GAS2: variants seen among roughly 807,000 people sequenced by gnomAD.
GAS2 encodes growth arrest-specific protein 2.
GAS2 carries 20 observed loss-of-function variants against 37.5 expected under a neutral mutation model. The observed-to-expected ratio is 0.53, with a 90% CI of 0.37 to 0.77. GAS2 has a LOEUF of 0.77. Ranked by LOEUF, GAS2 falls within the 30% of genes least tolerant of loss-of-function variation. GAS2 has a pLI of 0.00. For missense variants in GAS2, 336 were observed against 373.4 expected, an observed-to-expected ratio of 0.90 and a Z score of 0.82; for synonymous variants, 144 against 132.2, an observed-to-expected ratio of 1.09 and a Z score of -0.61.
chr11:22,768,491 A>C (rs1226325502), intron 7 of GAS2, among the ~76,000 whole-genome samples: 4 of 151,940 alleles, frequency 2.6e-5, no homozygotes, highest in Non-Finnish European at 4.4e-5. Flanking sequence ...CCCTTCAAAC[A>C]CTCTTGCCAA....
At chr11:22,700,155 A>G (rs533444574) in intron 3 of GAS2, among the ~76,000 whole-genome samples, 1 of 152,236 alleles carries the variant, frequency 6.6e-6, no homozygotes, top group African/African-American at 2.4e-5. Flanking sequence ...AGACTCTAAG[A>G]TCCTTGAGTA....
In GAS2 at chr11:22,812,077, T is replaced by G; in HGVS notation, c.*61T>G. ...GCCTGTATCCACTTCTCCAGTATAGTCAGTTTAGTTCATATGTTCTGAAAA... is the reference window on the plus strand; with the variant it reads ...GCCTGTATCCACTTCTCCAGTATAGGCAGTTTAGTTCATATGTTCTGAAAA... On this transcript the variant is annotated 3_prime_UTR_variant, in exon 8 of 8. Transcript: ENST00000454584. The G allele has an allele frequency of 8.4e-7, 1 of 1,183,542 alleles. No individual in the cohort carries two copies. The highest frequency in any genetic ancestry group is 1.3e-6 in the Non-Finnish European group (1 of 798,468). 73.3% of individuals were successfully genotyped at this position (1,183,542 alleles called of 1,614,324 possible).
At chr11:22,801,005 T>C (rs1370296448) in intron 7 of GAS2, among the ~76,000 whole-genome samples, 3 of 151,526 alleles carry the variant, frequency 2.0e-5, no homozygotes, top group Non-Finnish European at 2.9e-5. Context: ...GTAAAACATA[T>C]GATTTTCTGT....
chr11:22,804,614 A>G (rs923810353), intron 7 of GAS2, among the ~76,000 whole-genome samples: 1 of 152,098 alleles, frequency 6.6e-6, no homozygotes, highest in African/African-American at 2.4e-5. Flanking sequence ...GTATGAAAGT[A>G]AGAGTGGAAA....
At chr11:22,777,810 T>C (rs1396413059) in intron 7 of GAS2, among the ~76,000 whole-genome samples, 2 of 152,224 alleles carry the variant, frequency 1.3e-5, no homozygotes, top group Non-Finnish European at 2.9e-5. Context: ...CAATTGGAGA[T>C]ACTGAGCAAT....
chr11:22,720,455 C>A (rs1040678572), intron 3 of GAS2, among the ~76,000 whole-genome samples: 1 of 151,932 alleles, frequency 6.6e-6, no homozygotes, highest in African/African-American at 2.4e-5. Flanking sequence ...ATATTTTCAT[C>A]ATTTTTCAAG....
rs146726715 is a variant in GAS2 at position 22,736,132 on chromosome 11, A to C, written c.410-1573A>C. ...TGTATGAAATTGATGCCTGTGTGGCATTACAGCCCTTATGTTACTTTGTGC... is the reference window on the plus strand; with the variant it reads ...TGTATGAAATTGATGCCTGTGTGGCCTTACAGCCCTTATGTTACTTTGTGC... On this transcript the variant is annotated intron_variant, in intron 4 of 7. Transcript: ENST00000454584. Among the ~76,000 whole-genome samples, 1,161 of 152,080 alleles carry C rather than the reference A, an allele frequency of 7.6e-3. 16 individuals are homozygous for C. Among genetic ancestry groups the C allele is most frequent in the Middle Eastern group, 0.024 (7 of 294 alleles).
At chr11:22,670,105 A>G (rs1849142135) in intron 1 of GAS2, among the ~76,000 whole-genome samples, 1 of 152,162 alleles carries the variant, frequency 6.6e-6, no homozygotes, top group Admixed American at 6.5e-5. Context: ...GATTTGGAGC[A>G]CTGTTTATTT....
At chr11:22,696,644 GT>G (rs1370495003) in intron 3 of GAS2, among the ~76,000 whole-genome samples, 3 of 151,252 alleles carry the variant, frequency 2.0e-5, no homozygotes, top group Non-Finnish European at 2.9e-5. Context: ...TCTAACTGGT[GT>G]GAGATGGTAT....
At chr11:22,762,763 T>C (rs1322652486) in intron 7 of GAS2, among the ~76,000 whole-genome samples, 3 of 152,168 alleles carry the variant, frequency 2.0e-5, no homozygotes, top group Non-Finnish European at 4.4e-5. Context: ...GGACACTGTA[T>C]AAAATTCTTT....
chr11:22,798,861 G>T (rs1315416384), intron 7 of GAS2, among the ~76,000 whole-genome samples: 1 of 152,020 alleles, frequency 6.6e-6, no homozygotes, highest in African/African-American at 2.4e-5. Context: ...ATGTGTCAAG[G>T]TACCTCAGGG....
rs150973204 is a variant in GAS2, at chr11:22,657,510, T to C, written c.-20-17340T>C. ...GGAAGTGGTTGGAGTGTGGGCTTCA[T>C]TGGTTGTTCCTGCGTGTGTGTGTGT... On this transcript the variant is annotated intron_variant, in intron 1 of 5. Coordinates refer to the GAS2 transcript ENST00000528582. Among the ~76,000 whole-genome samples the C allele has an allele frequency of 3.0e-4, 45 of 152,082 alleles. No individual in the cohort carries two copies. The East Asian group carries it at 6.0e-3, about 20-fold the overall frequency.
At position 22,811,942 on chromosome 11, in the gene GAS2, A is replaced by G. The variant is rs1857193676; in HGVS notation, c.868A>G (p.Thr290Ala). The G allele has an allele frequency of 1.2e-6, 2 of 1,614,042 alleles. No homozygotes were observed. The highest frequency in any genetic ancestry group is 2.7e-5 in the African/African-American group (2 of 74,990). The change falls in exon 8 of 8, where the codon ACT becomes GCT. Residue 290 changes from threonine (T) to alanine (A), a missense_variant. Thr to Ala is a moderately conservative substitution (Grantham distance 58, BLOSUM62 0). Coordinates refer to ENST00000454584, the MANE Select transcript of GAS2 (RefSeq NM_001143830.3). ...ATCCCCTATCCAAAGCAAATCTCCA[A>G]CTCTAAAGGACATGAATCCAGATAA... ...KTSPIQSKSP[T>A]LKDMNPDNYL...
At chr11:22,782,511 A>G (rs1420194839) in intron 7 of GAS2, among the ~76,000 whole-genome samples, 1 of 151,996 alleles carries the variant, frequency 6.6e-6, no homozygotes, top group African/African-American at 2.4e-5. Flanking sequence ...CCCATCATCC[A>G]GGTAGTAAGC....
In GAS2 at chr11:22,795,314, A is replaced by G. The variant is rs112928817; in HGVS notation, c.724-16484A>G. On this transcript the variant is annotated intron_variant, in intron 7 of 7. Transcript: ENST00000454584. ...CCCTAGCTGGGAGGGATTAGACTGT[A>G]CCAGAAAACCTAGGTAAATAAATAG... Among the ~76,000 whole-genome samples, 792 of 152,240 alleles carry G rather than the reference A, an allele frequency of 5.2e-3. 3 individuals are homozygous for G. Among genetic ancestry groups the G allele is most frequent in the African/African-American group, 0.016 (652 of 41,542 alleles).
At chr11:22,782,970 G>A (rs1855637287) in intron 7 of GAS2, among the ~76,000 whole-genome samples, 1 of 151,922 alleles carries the variant, frequency 6.6e-6, no homozygotes. Context: ...CCCAGTCTTG[G>A]GATTGCTGGG....
chr11:22,793,895 G>T (rs528027852), intron 7 of GAS2, among the ~76,000 whole-genome samples: 2 of 152,198 alleles, frequency 1.3e-5, no homozygotes, highest in Admixed American at 1.3e-4. Context: ...GTTAGGAAAT[G>T]GATTTGAAAT....
At chr11:22,667,870 C>T (rs1428564448) in intron 1 of GAS2, among the ~76,000 whole-genome samples, 2 of 152,184 alleles carry the variant, frequency 1.3e-5, no homozygotes, top group Admixed American at 6.5e-5. Context: ...ATCCTCTCAC[C>T]TCCGTGATCT....
intron 4 of GAS2, among the ~76,000 whole-genome samples, chr11:22,728,940 T>C (rs17234084): frequency 0.066 from 9,992 of 151,188 alleles, 451 homozygotes; most frequent in Non-Finnish European, 0.1. Flanking sequence ...CTTTGGACTC[T>C]ACTTGCAGAA....
Sources: gnomAD v4.1 joint callset for allele counts (sites outside exome capture counted in the v4.1 genomes callset) on GRCh38, gnomAD v4.1.1 for gene constraint, MANE v1.5 for transcripts, NCBI Gene and HGNC (gene_info 2026-07-23, HGNC 2026-07-21) for gene names.